Variants in HELB observed in about 807,000 individuals in gnomAD.
HELB encodes the protein DNA 5'-3' helicase B.
A neutral mutation model predicts 101.7 loss-of-function variants in HELB; 96 were observed. The ratio of observed to expected loss-of-function variants is 0.94; its 90% CI spans 0.80 to 1.12. The LOEUF (loss-of-function observed/expected upper bound fraction) is 1.12, where lower values mean the gene tolerates loss of function less well. HELB is among the 50% of genes most tolerant of loss of function. HELB has a pLI of 0.00. For missense variants in HELB, 1,210 were observed against 1,291.9 expected, an observed-to-expected ratio of 0.94 and a Z score of 0.97; for synonymous variants, 437 against 459.7, an observed-to-expected ratio of 0.95 and a Z score of 0.63.
At chr12:66,302,985 GT>G (rs551432227) in intron 1 of HELB, among the ~76,000 whole-genome samples, 195 bp downstream of exon 1, 5,694 of 136,604 alleles carry the variant, frequency 0.042, 284 homozygotes, top group African/African-American at 0.12. Context: ...ATACTATGTG[GT>G]TTTTTTTTTT....
chr12:66,325,764 A>T (rs1383360337), intron 11 of HELB, among the ~76,000 whole-genome samples: 1 of 152,026 alleles, frequency 6.6e-6, no homozygotes, highest in Non-Finnish European at 1.5e-5. Context: ...TTGCCTTATC[A>T]ACTTTGTGGG....
intron 4 of HELB, among the ~76,000 whole-genome samples, chr12:66,311,285 A>AC (rs1441030501): frequency 6.6e-6 from 1 of 151,912 alleles, no homozygotes; most frequent in Admixed American, 6.6e-5. Flanking sequence ...ACATAGTGAG[A>AC]CCCCCATCTC....
At chr12:66,322,492 G>C (rs1435380946) in intron 8 of HELB, among the ~76,000 whole-genome samples, 1 of 150,974 alleles carries the variant, frequency 6.6e-6, no homozygotes, top group Non-Finnish European at 1.5e-5. Flanking sequence ...TTGAACCCGG[G>C]AGGTGGAGGT....
chr12:66,330,512 T>G (rs1164104635), intron 11 of HELB, among the ~76,000 whole-genome samples: 1 of 150,700 alleles, frequency 6.6e-6, no homozygotes, highest in Non-Finnish European at 1.5e-5. Flanking sequence ...GTAACTATAT[T>G]GCTATACAGT....
intron 5 of HELB, 85 bp from the exon 6 acceptor site, chr12:66,315,151 ATTTAAC>A: frequency 3.3e-6 from 3 of 916,126 alleles, no homozygotes; most frequent in Non-Finnish European, 4.7e-6. Context: ...TTTGTAAGGT[ATTTAAC>A]TTTAAACTGT....
At chr12:66,324,245 A>C (rs1447467234) in intron 10 of HELB, 34 bp downstream of exon 10, 1 of 1,315,492 alleles carries the variant, frequency 7.6e-7, no homozygotes, top group Non-Finnish European at 1.1e-6. Context: ...TCTTTTAACT[A>C]ATTAGAGATA....
At chr12:66,302,985 G>T (rs1026829456) in intron 1 of HELB, among the ~76,000 whole-genome samples, 195 bp downstream of exon 1, 38 of 136,652 alleles carry the variant, frequency 2.8e-4, no homozygotes, top group African/African-American at 6.8e-4. Flanking sequence ...ATACTATGTG[G>T]TTTTTTTTTT....
At chr12:66,307,204 T>C (rs1246230340) in intron 3 of HELB, among the ~76,000 whole-genome samples, 3 of 152,202 alleles carry the variant, frequency 2.0e-5, no homozygotes, top group African/African-American at 7.2e-5. Flanking sequence ...ATGCTGAGTT[T>C]GAGAAATACT....
downstream of HELB, chr12:66,340,606 A>G (rs971289483): frequency 5.0e-4 from 16 of 32,296 alleles, no homozygotes; most frequent in Admixed American, 3.5e-3. Flanking sequence ...GGATATATAT[A>G]TGTGGGGGGG....
At chr12:66,339,787 TAGC>T (rs765718797), downstream of HELB, 1 of 152,178 alleles carries the variant, frequency 6.6e-6, no homozygotes, top group Non-Finnish European at 1.5e-5. Flanking sequence ...TCACACTCCT[TAGC>T]AGTAATCCCC....
At chr12:66,305,890 ATATATATGGAATATTTCATTTCC>A (rs1386145557) in intron 2 of HELB, among the ~76,000 whole-genome samples, 2 of 152,208 alleles carry the variant, frequency 1.3e-5, no homozygotes, top group Non-Finnish European at 2.9e-5. Flanking sequence ...CTGGATATTC[ATATATATGGAATATTTCATTTCC>A]TAATTGTATC....
At chr12:66,302,985 G>GT (rs551432227) in intron 1 of HELB, among the ~76,000 whole-genome samples, 195 bp downstream of exon 1, 4,636 of 136,470 alleles carry the variant, frequency 0.034, 102 homozygotes, top group South Asian at 0.041. Context: ...ATACTATGTG[G>GT]TTTTTTTTTT....
rs773737230 is a variant in HELB, at chr12:66,323,984, G to C, written c.2299G>C (p.Asp767His). The change falls in exon 10 of 13, where the codon GAC (aspartate) becomes CAC (histidine). Residue 767 changes from aspartate (D) to histidine (H), a missense_variant and splice_region_variant. By Grantham distance (81) the Asp-to-His change is moderately conservative. This residue lies in a region of HELB where 740 missense variants were observed against 728.8 expected (regional missense o/e 1.02). Transcript: ENST00000247815. ...CKHYTGHLTK[D>H]HQSRLVFGIG... ...ATATATTATCATTTTCTATCCCAGA[G>C]ACCATCAGAGTAGACTTGTTTTTGG... 1 of 1,597,486 alleles carries C rather than the reference G, an allele frequency of 6.3e-7. No homozygotes were observed. Among genetic ancestry groups the C allele is most frequent in the South Asian group, 1.1e-5 (1 of 90,676 alleles).
chr12:66,314,245 G>A (rs1374148191), intron 5 of HELB, 82 bp downstream of exon 5: 6 of 1,204,668 alleles, frequency 5.0e-6, no homozygotes, highest in Non-Finnish European at 7.1e-6. Flanking sequence ...TTAGTTGGTT[G>A]TTTACACCAG....
At position 66,302,515 on chromosome 12, in the gene HELB, G is replaced by A. The variant is rs908219448; in HGVS notation, c.-89G>A. 2.4e-5 allele frequency: 29 copies of A among 1,226,492 alleles called. 1 individual carries two copies. In the South Asian group the frequency reaches 4.2e-4, roughly 18 times the overall value. The allele number at this position is 1,226,492 out of a possible 1,614,324, so 76.0% of individuals were successfully genotyped here. ...GCCAGGCCGTTCCCGGAAGTTGATG[G>A]CCTTACAGTCGTAGAACTGATTGGC... On this transcript the variant is annotated 5_prime_UTR_variant, in exon 1 of 13. Coordinates refer to ENST00000247815, the MANE Select transcript of HELB (RefSeq NM_001370285.1).
At chr12:66,315,134 G>A (rs550639487) in intron 5 of HELB, 108 bp from the exon 6 acceptor site, 11 of 679,246 alleles carry the variant, frequency 1.6e-5, no homozygotes, top group Non-Finnish European at 2.5e-5. Flanking sequence ...CTGTTTAAAT[G>A]TTGTTTTTTG....
At chr12:66,335,610 C>T (rs1445761482) in intron 12 of HELB, among the ~76,000 whole-genome samples, 1 of 152,146 alleles carries the variant, frequency 6.6e-6, no homozygotes, top group Non-Finnish European at 1.5e-5. Flanking sequence ...TACATTAAGG[C>T]ATCTTAGTGT....
intron 9 of HELB, 55 bp downstream of exon 9, chr12:66,322,838 G>GTTT: frequency 1.1e-5 from 10 of 941,770 alleles, no homozygotes; most frequent in East Asian, 9.9e-5. Flanking sequence ...CGATTTGCTG[G>GTTT]TTTTTTTTTT....
rs960770691 is a variant in HELB at position 66,310,674 on chromosome 12, G to A, written c.1680+66G>A. The A allele has an allele frequency of 2.4e-5, 35 of 1,446,768 alleles. No homozygotes were observed. The Admixed American group carries it at 7.4e-4, about 31-fold the overall frequency. The allele number at this position is 1,446,768 out of a possible 1,614,324, so 89.6% of individuals were successfully genotyped here. On this transcript the variant is annotated intron_variant, in intron 4 of 12. Coordinates refer to ENST00000247815, the MANE Select transcript of HELB (RefSeq NM_001370285.1). ...CGGCCGGGCACAGTGGCTCACGCCTGTAATCCCAGAACTTTTGGGAGACTG... is the reference window on the plus strand; with the variant it reads ...CGGCCGGGCACAGTGGCTCACGCCTATAATCCCAGAACTTTTGGGAGACTG...
Sources: allele counts gnomAD v4.1 joint callset (sites outside exome capture counted in the v4.1 genomes callset), GRCh38; gene constraint gnomAD v4.1.1; regional missense constraint gnomAD v4.1.1; transcripts MANE v1.5; gene names NCBI Gene and HGNC (gene_info 2026-07-23, HGNC 2026-07-21).